TNKS1BP1: variants seen among roughly 807,000 people sequenced by gnomAD.
The protein encoded by TNKS1BP1 is CCR4-NOT transcription complex subunit 12.
A neutral mutation model predicts 141.1 loss-of-function variants in TNKS1BP1; 48 were observed. The observed-to-expected ratio is 0.34, with a 90% CI of 0.27 to 0.43. TNKS1BP1 has a LOEUF of 0.43. TNKS1BP1 is among the 20% of genes least tolerant of loss of function. The pLI, the probability that TNKS1BP1 is intolerant of heterozygous loss-of-function variation, is 1.00. For synonymous variants in TNKS1BP1, 875 were observed against 898.2 expected (o/e 0.97, Z 0.46); for missense variants, 2,149 against 2,226.0 (o/e 0.97, Z 0.70).
intron 3 of TNKS1BP1, 113 bp from the exon 4 acceptor site, chr11:57,318,000 C>G: frequency 1.0e-6 from 1 of 954,632 alleles, no homozygotes; most frequent in Non-Finnish European, 1.7e-6. Flanking sequence ...AGGTTAAACC[C>G]TCCTAGCCAT....
Position 57,311,777 on chromosome 11 carries a change from C to T in TNKS1BP1, c.2154+757G>A, listed in dbSNP as rs781347168. Reference sequence around the variant, plus strand: ...GGAGAAAGGGCACTGGGCCGGGAAACGGCGCTGGCCCGGGCCCAGCCACCA... The same window carrying T: ...GGAGAAAGGGCACTGGGCCGGGAAATGGCGCTGGCCCGGGCCCAGCCACCA... On this transcript the variant is annotated intron_variant, in intron 5 of 11. Coordinates refer to ENST00000358252, the MANE Select transcript of TNKS1BP1 (RefSeq NM_033396.3). 4.9e-4 allele frequency among the ~76,000 whole-genome samples: 74 copies of T among 152,336 alleles called. No individual in the cohort carries two copies. In the Middle Eastern group the frequency reaches 0.017, roughly 35 times the overall value.
intron 10 of TNKS1BP1, 86 bp downstream of exon 10, chr11:57,300,798 T>G: frequency 6.4e-7 from 1 of 1,551,932 alleles, no homozygotes. Context: ...TGAGCCTCAG[T>G]TTGCCTCTTC....
chr11:57,314,868 G>A (rs1316472914), intron 4 of TNKS1BP1, among the ~76,000 whole-genome samples: 1 of 152,104 alleles, frequency 6.6e-6, no homozygotes, highest in Non-Finnish European at 1.5e-5. Flanking sequence ...GCAAAATAAA[G>A]GGTCCTGCTT....
At chr11:57,319,144 CAAAAAAA>C (rs558416849) in intron 3 of TNKS1BP1, among the ~76,000 whole-genome samples, 6 of 64,288 alleles carry the variant, frequency 9.3e-5, no homozygotes, top group African/African-American at 3.9e-4. Flanking sequence ...GACTCCGTCT[CAAAAAAA>C]AAAAAAAAAA....
chr11:57,320,456 A>C lies in TNKS1BP1; in HGVS notation c.351T>G (p.Thr117=). ...CCTCTTTCCCAGCCTCCTCTTTCCC[A>C]GTCTCTTGGGTGGCTTCTCCTCCAG... ...ASTGGEATQE[T]GKEEAGKEEP... The change falls in exon 3 of 12, where the codon ACT becomes ACG. Residue 117 remains threonine (T), a synonymous_variant. Coordinates refer to ENST00000358252, the MANE Select transcript of TNKS1BP1 (RefSeq NM_033396.3). The C allele has an allele frequency of 1.2e-6, 2 of 1,607,714 alleles. No homozygotes were observed. Among genetic ancestry groups the C allele is most frequent in the Non-Finnish European group, 1.7e-6 (2 of 1,175,710 alleles).
intron 6 of TNKS1BP1, among the ~76,000 whole-genome samples, chr11:57,306,805 C>A (rs1408566456): frequency 1.3e-5 from 2 of 151,888 alleles, no homozygotes; most frequent in Non-Finnish European, 2.9e-5. Context: ...CAATCCCCGC[C>A]CCACCTCCCT....
intron 4 of TNKS1BP1, among the ~76,000 whole-genome samples, chr11:57,314,520 C>T (rs988769748): frequency 1.8e-4 from 27 of 152,328 alleles, no homozygotes; most frequent in Middle Eastern, 6.8e-3. Flanking sequence ...CCCTCCCTCA[C>T]ATATGGCAGA....
chr11:57,311,574 T>C (rs1855713128), intron 5 of TNKS1BP1: 6 of 539,034 alleles, frequency 1.1e-5, no homozygotes, highest in Non-Finnish European at 1.4e-5. Flanking sequence ...CAGACACACC[T>C]ACTACAGGAG....
intron 2 of TNKS1BP1, 65 bp downstream of exon 2, chr11:57,321,727 G>C: frequency 6.4e-7 from 1 of 1,560,912 alleles, no homozygotes; most frequent in East Asian, 2.3e-5. Context: ...ACAGAAAGAG[G>C]GGGCAGCCTC....
intron 6 of TNKS1BP1, among the ~76,000 whole-genome samples, chr11:57,305,396 G>A (rs1247715467): frequency 6.6e-6 from 1 of 151,522 alleles, no homozygotes; most frequent in Non-Finnish European, 1.5e-5. Context: ...TGGCCAGAGA[G>A]GATGTGCCTC....
In TNKS1BP1 at chr11:57,302,547, C is replaced by G; in HGVS notation, c.4595G>C (p.Trp1532Ser). 1 of 1,613,204 alleles carries G rather than the reference C, an allele frequency of 6.2e-7. No homozygotes were observed. Among genetic ancestry groups the G allele is most frequent in the Non-Finnish European group, 8.5e-7 (1 of 1,179,878 alleles). ...DGTWGSSAAR[W>S]SDQGPAQTSR... ...AGTCTGTGCTGGCCCCTGATCGCTCCACCTGGCTGCTGAAGAGCCCCAGGT... is the reference window on the plus strand; with the variant it reads ...AGTCTGTGCTGGCCCCTGATCGCTCGACCTGGCTGCTGAAGAGCCCCAGGT... The change falls in exon 7 of 12, where the codon TGG becomes TCG. Residue 1532 changes from tryptophan to serine, a missense_variant. Physicochemically the swap from Trp to Ser is radical, Grantham distance 177. Transcript: ENST00000358252. The surrounding 1 kb of genome is among the most constrained non-coding windows in gnomAD (Gnocchi z 5.5).
At chr11:57,310,595 T>C (rs746364648) in intron 5 of TNKS1BP1, 39 bp from the exon 6 acceptor site, 2 of 1,571,926 alleles carry the variant, frequency 1.3e-6, no homozygotes, top group Admixed American at 3.5e-5. Flanking sequence ...GAAACAACGA[T>C]TAGATTCCAT....
rs1477562561 is a variant in TNKS1BP1 at position 57,310,474 on chromosome 11, G to A, written c.2237C>T (p.Ser746Phe). The change falls in exon 6 of 12, where the codon TCC (serine) becomes TTC (phenylalanine). Residue 746 changes from serine (S) to phenylalanine (F), a missense_variant. By Grantham distance (155) the Ser-to-Phe change is radical. Coordinates refer to ENST00000358252, the MANE Select transcript of TNKS1BP1 (RefSeq NM_033396.3). Reference protein sequence around the residue: ...GDPQPSSFSPSSWCQGASQDY... With the variant: ...GDPQPSSFSPFSWCQGASQDY... The stretch of plus-strand genomic sequence containing the variant: ...CTGAGAAGCACCTTGACACCAGCTG[G>A]AAGGACTGAAACTGCTGGGCTGTGG... The A allele has an allele frequency of 6.2e-7, 1 of 1,612,850 alleles. No individual in the cohort carries two copies. Among genetic ancestry groups the A allele is most frequent in the Non-Finnish European group, 8.5e-7 (1 of 1,180,014 alleles).
In TNKS1BP1 at chr11:57,321,112, A is replaced by T. The variant is rs137888503; in HGVS notation, c.95-400T>A. On this transcript the variant is annotated intron_variant, in intron 2 of 11. Transcript: ENST00000358252. ...GTCAGCCCCCCCATATTCCCAATCT[A>T]GTTTTTTCACCTTATGTGACACTCT... 4.1e-3 allele frequency among the ~76,000 whole-genome samples: 617 copies of T among 152,200 alleles called. 6 individuals carry two copies. The highest frequency in any genetic ancestry group is 0.014 in the African/African-American group (583 of 41,524).
At chr11:57,314,750 G>T (rs1316203505) in intron 4 of TNKS1BP1, among the ~76,000 whole-genome samples, 3 of 152,106 alleles carry the variant, frequency 2.0e-5, no homozygotes, top group Non-Finnish European at 4.4e-5. Flanking sequence ...CCCAGACAAT[G>T]AAGTGACTCT....
In TNKS1BP1 at chr11:57,302,714, C is replaced by A; in HGVS notation, c.4428G>T (p.Ser1476=). ...KAVARRESAA[S]GLGGLLEEEG... The stretch of plus-strand genomic sequence containing the variant: ...CCTCCTCCAACAGGCCCCCAAGGCC[C>A]GAGGCCGCTGACTCCCTCCGAGCCA... The change falls in exon 7 of 12, where the codon TCG becomes TCT. Residue 1476 remains serine (S), a synonymous_variant. Coordinates refer to ENST00000358252, the MANE Select transcript of TNKS1BP1 (RefSeq NM_033396.3). This position sits in a 1 kb window ranked among gnomAD's most constrained non-coding sequence, Gnocchi z 5.5. 3.1e-6 allele frequency: 5 copies of A among 1,600,158 alleles called. No individual in the cohort carries two copies. Among genetic ancestry groups the A allele is most frequent in the Non-Finnish European group, 4.2e-6 (5 of 1,176,648 alleles).
chr11:57,301,004 C>G lies in TNKS1BP1; in HGVS notation c.5009G>C (p.Gly1670Ala). ...GCTCGACTTGCTCTCAGCCAGCTCTCCCTCCTCAGCTGAGCGATTCCGGGG... is the reference window on the plus strand; with the variant it reads ...GCTCGACTTGCTCTCAGCCAGCTCTGCCTCCTCAGCTGAGCGATTCCGGGG... ...LRPRNRSAEE[G>A]ELAESKSSQK... Residue 1670 changes from glycine (G) to alanine (A), a missense_variant, in exon 10 of 12, where the codon GGA becomes GCA. Physicochemically the swap from Gly to Ala is moderately conservative, Grantham distance 60. Transcript: ENST00000358252. 1 of 1,613,930 alleles carries G rather than the reference C, an allele frequency of 6.2e-7. No individual in the cohort carries two copies. Among genetic ancestry groups the G allele is most frequent in the South Asian group, 1.1e-5 (1 of 91,070 alleles).
At chr11:57,306,001 T>C (rs1162611223) in intron 6 of TNKS1BP1, among the ~76,000 whole-genome samples, 1 of 151,394 alleles carries the variant, frequency 6.6e-6, no homozygotes, top group Admixed American at 6.6e-5. Flanking sequence ...GGGCCAGGCA[T>C]GGTGGCTCAT....
chr11:57,304,056 CCCA>C (rs1248616908), intron 6 of TNKS1BP1, among the ~76,000 whole-genome samples: 7 of 152,180 alleles, frequency 4.6e-5, no homozygotes, highest in Non-Finnish European at 8.8e-5. Flanking sequence ...GGACCTCGCA[CCCA>C]CCACATCTAC....
Sources: gnomAD v4.1 joint callset for allele counts (sites outside exome capture counted in the v4.1 genomes callset) on GRCh38, gnomAD v4.1.1 for gene constraint, Gnocchi (gnomAD v3.1) non-coding constraint, MANE v1.5 for transcripts, NCBI Gene and HGNC (gene_info 2026-07-23, HGNC 2026-07-21) for gene names.